The following TLN2 variants were observed in gnomAD, a reference collection of about 807,000 sequenced individuals.
TLN2 encodes talin 2.
TLN2 carries 118 observed loss-of-function variants against 294.7 expected under a neutral mutation model. The ratio of observed to expected loss-of-function variants is 0.40; its 90% CI spans 0.34 to 0.47. TLN2 has a LOEUF of 0.47. Among genes scored for constraint, TLN2 ranks in the 20% least tolerant of loss-of-function variants. The pLI is 0.84. For missense variants in TLN2, 3,083 were observed against 3,282.2 expected (o/e 0.94, Z 1.48); for synonymous variants, 1,431 against 1,304.5 (o/e 1.10, Z -2.09).
intron 28 of TLN2, among the ~76,000 whole-genome samples, chr15:62,733,201 A>G (rs1487040563): frequency 2.6e-5 from 4 of 152,204 alleles, no homozygotes; most frequent in Non-Finnish European, 5.9e-5. Context: ...ACCAGGAGAG[A>G]GGGATGTCTC....
intron 11 of TLN2, among the ~76,000 whole-genome samples, chr15:62,677,616 ACCAAATCT>A (rs576491895): frequency 8.2e-4 from 125 of 152,216 alleles, no homozygotes; most frequent in Middle Eastern, 3.4e-3. Context: ...GTTTGATCAA[ACCAAATCT>A]CCTTTTACAC....
chr15:62,751,093 T>C (rs984267153), intron 34 of TLN2, among the ~76,000 whole-genome samples: 1 of 152,114 alleles, frequency 6.6e-6, no homozygotes, highest in Admixed American at 6.5e-5. Context: ...TCTTATTCTT[T>C]GGCATTTGAT....
At chr15:62,439,379 C>G (rs768899571) in intron 1 of TLN2, among the ~76,000 whole-genome samples, 1 of 152,118 alleles carries the variant, frequency 6.6e-6, no homozygotes, top group Non-Finnish European at 1.5e-5. Context: ...GTGGCATGAT[C>G]TCAGCTCACT....
At chr15:62,600,378 T>C (rs979997230) in intron 2 of TLN2, among the ~76,000 whole-genome samples, 8 of 152,022 alleles carry the variant, frequency 5.3e-5, no homozygotes, top group African/African-American at 1.9e-4. Context: ...CTTAGGAAGG[T>C]GCCACATTAG....
chr15:62,760,074 C>T (rs958452383), intron 37 of TLN2, among the ~76,000 whole-genome samples: 3 of 152,098 alleles, frequency 2.0e-5, no homozygotes, highest in Admixed American at 1.3e-4. Flanking sequence ...AGAAATGAGG[C>T]TTTATATGTG....
intron 19 of TLN2, among the ~76,000 whole-genome samples, chr15:62,704,891 T>C (rs769767717): frequency 7.9e-5 from 12 of 152,234 alleles, no homozygotes; most frequent in Non-Finnish European, 1.6e-4. Flanking sequence ...TTGGTAAATA[T>C]GAGATTCAGC....
intron 42 of TLN2, among the ~76,000 whole-genome samples, chr15:62,771,374 G>GA (rs1441565566): frequency 6.6e-6 from 1 of 152,168 alleles, no homozygotes; most frequent in East Asian, 1.9e-4. Context: ...CCTTGGGGAA[G>GA]AAAAATGTAT....
chr15:62,509,514 G>A (rs1299146290), intron 1 of TLN2, among the ~76,000 whole-genome samples: 1 of 152,152 alleles, frequency 6.6e-6, no homozygotes, highest in Non-Finnish European at 1.5e-5. Context: ...ATTCCAAATA[G>A]CAGCCCAGCC....
At chr15:62,828,686 T>C (rs2068458910) in intron 54 of TLN2, 1 of 151,984 alleles carries the variant, frequency 6.6e-6, no homozygotes, top group Admixed American at 6.6e-5. Flanking sequence ...GGCTCAGGAG[T>C]GGATGCTAAT....
At chr15:62,706,948 A>G in intron 19 of TLN2, 138 bp from the exon 20 acceptor site, 1 of 1,023,528 alleles carries the variant, frequency 9.8e-7, no homozygotes, top group Non-Finnish European at 1.4e-6. Context: ...GGATAAGTTG[A>G]CATTTCAAAA....
chr15:62,519,967 A>G (rs1176721989), intron 1 of TLN2, among the ~76,000 whole-genome samples: 1 of 152,252 alleles, frequency 6.6e-6, no homozygotes, highest in Non-Finnish European at 1.5e-5. Context: ...AGGCCTCACA[A>G]TCATGGTGGA....
chr15:62,694,863 G>A (rs1417348685), intron 14 of TLN2, among the ~76,000 whole-genome samples: 1 of 152,178 alleles, frequency 6.6e-6, no homozygotes, highest in Non-Finnish European at 1.5e-5. Context: ...CAGGCGAGTG[G>A]TTAAGAATAT....
At chr15:62,611,811 A>G (rs1198142357) in intron 2 of TLN2, among the ~76,000 whole-genome samples, 1 of 152,200 alleles carries the variant, frequency 6.6e-6, no homozygotes, top group Non-Finnish European at 1.5e-5. Context: ...AGCCTGTCCT[A>G]GAACCTTTCC....
chr15:62,719,853 C>A lies in TLN2; in HGVS notation c.2964C>A (p.Leu988=). 6.2e-7 allele frequency: 1 copy of A among 1,611,582 alleles called. No individual in the cohort carries two copies. The highest frequency in any genetic ancestry group is 8.5e-7 in the Non-Finnish European group (1 of 1,178,812). ...AAGACCTGAGTGCCCAGCTGGCTCT[C>A]ATCATCTCCAGCCAGAACTTCCTCC... The part of the protein sequence containing the change: ...QAEDLSAQLA[L]IISSQNFLQP... Residue 988 remains leucine, a synonymous_variant, in exon 25 of 59, where the codon CTC becomes CTA. Transcript: ENST00000636159.
At chr15:62,762,573 C>A in intron 39 of TLN2, 120 bp downstream of exon 39, 2 of 1,166,534 alleles carry the variant, frequency 1.7e-6, no homozygotes, top group Non-Finnish European at 2.4e-6. Context: ...TTTTTCTTTT[C>A]TCTTTGGGGC....
intron 1 of TLN2, among the ~76,000 whole-genome samples, chr15:62,565,583 T>C (rs1343029160): frequency 2.0e-5 from 3 of 152,196 alleles, no homozygotes; most frequent in Non-Finnish European, 4.4e-5. Flanking sequence ...CCAGTGTTCA[T>C]CTGAATGAAC....
At chr15:62,773,806 A>G (rs1224926102) in intron 42 of TLN2, among the ~76,000 whole-genome samples, 2 of 152,214 alleles carry the variant, frequency 1.3e-5, no homozygotes, top group East Asian at 1.9e-4. Context: ...AATGAAGGTA[A>G]TTATGAATAC....
chr15:62,480,005 G>A (rs866368798), intron 1 of TLN2, among the ~76,000 whole-genome samples: 2 of 152,342 alleles, frequency 1.3e-5, no homozygotes, highest in Middle Eastern at 6.8e-3. Flanking sequence ...TGGTGATGGT[G>A]GGCCAGTTGG....
intron 1 of TLN2, among the ~76,000 whole-genome samples, chr15:62,567,794 A>G (rs1267147049): frequency 6.6e-6 from 1 of 152,152 alleles, no homozygotes; most frequent in Non-Finnish European, 1.5e-5. Flanking sequence ...AGCCAAGATC[A>G]TGCTACTGTA....
Sources: gnomAD v4.1 joint callset for allele counts (sites outside exome capture counted in the v4.1 genomes callset) on GRCh38, gnomAD v4.1.1 for gene constraint, MANE v1.5 for transcripts, NCBI Gene and HGNC (gene_info 2026-07-23, HGNC 2026-07-21) for gene names.